TSPAN9: variants seen among roughly 807,000 people sequenced by gnomAD.
TSPAN9 encodes the protein tetraspanin 9.
In TSPAN9, 16 loss-of-function variants were observed where a neutral mutation model predicts 31.0. The observed-to-expected ratio is 0.52, with a 90% CI of 0.35 to 0.78. The LOEUF (loss-of-function observed/expected upper bound fraction) is 0.78, where lower values mean the gene tolerates loss of function less well. Among genes scored for constraint, TSPAN9 ranks in the 30% least tolerant of loss-of-function variants. The pLI is 0.01. For synonymous variants in TSPAN9, 145 were observed against 121.6 expected (o/e 1.19, Z -1.27); for missense variants, 272 against 312.5 (o/e 0.87, Z 0.98).
At chr12:3,173,782 C>T (rs1328165117) in intron 2 of TSPAN9, 2 of 152,366 alleles carry the variant, frequency 1.3e-5, no homozygotes, top group African/African-American at 4.8e-5. Flanking sequence ...GTGTTAGCCA[C>T]TGTGCCTGGC....
chr12:3,078,809 C>T (rs1200161408), intron 1 of TSPAN9, among the ~76,000 whole-genome samples: 1 of 151,306 alleles, frequency 6.6e-6, no homozygotes, highest in Admixed American at 6.6e-5. Context: ...CTGGTTTAAT[C>T]AGATTTTAAT....
In TSPAN9 at chr12:3,164,545, A is replaced by T. The variant is rs375042645; in HGVS notation, c.-17-36632A>T. On this transcript the variant is annotated intron_variant, in intron 2 of 8. Transcript: ENST00000011898. Reference sequence around the variant, plus strand: ...GTTAGCTCCTCTCCCTGGCCCTTGCACTTGTCCCAGGCCTGCGAGGGGAGA... The same window carrying T: ...GTTAGCTCCTCTCCCTGGCCCTTGCTCTTGTCCCAGGCCTGCGAGGGGAGA... 6.6e-5 allele frequency among the ~76,000 whole-genome samples: 10 copies of T among 152,018 alleles called. No individual in the cohort carries two copies. In the East Asian group the frequency reaches 1.2e-3, roughly 18 times the overall value.
At chr12:3,089,572 G>A (rs896510242) in intron 2 of TSPAN9, among the ~76,000 whole-genome samples, 8 of 152,110 alleles carry the variant, frequency 5.3e-5, no homozygotes, top group Admixed American at 3.9e-4. Context: ...TGGGATTACA[G>A]GTGTGAGCCA....
intron 2 of TSPAN9, among the ~76,000 whole-genome samples, chr12:3,111,853 C>T (rs548188295): frequency 6.6e-6 from 1 of 152,100 alleles, no homozygotes; most frequent in Non-Finnish European, 1.5e-5. Flanking sequence ...CTCAGGTGAT[C>T]CACCCGCCTT....
intron 3 of TSPAN9, among the ~76,000 whole-genome samples, chr12:3,248,307 G>T (rs1236192966): frequency 6.6e-6 from 1 of 152,180 alleles, no homozygotes; most frequent in Non-Finnish European, 1.5e-5. Context: ...TTCCTTGTGG[G>T]ATAGACATGG....
chr12:3,191,107 G>A lies in TSPAN9; in HGVS notation c.-17-10070G>A, dbSNP rs114044482. ...GTGTGGGGGAAAGGGGGTTTCAGGC[G>A]GAGGGAGCATCCAGTGCAAAGGCCA... On this transcript the variant is annotated intron_variant, in intron 2 of 8. Coordinates refer to ENST00000011898, the MANE Select transcript of TSPAN9 (RefSeq NM_006675.5). Among the ~76,000 whole-genome samples the A allele has an allele frequency of 3.9e-3, 600 of 152,250 alleles. 4 individuals are homozygous for A. Among genetic ancestry groups the A allele is most frequent in the African/African-American group, 0.014 (561 of 41,532 alleles).
rs1032411190 is a variant in TSPAN9 at position 3,107,634 on chromosome 12, G to A, written c.-18+23915G>A. ...CTGGCTTCGTGGTGGCCTCTTCCCT[G>A]TGGGACTGCCAAGCTGCTGCAAGGA... On this transcript the variant is annotated intron_variant, in intron 2 of 8. Transcript: ENST00000011898. This position sits in a 1 kb window ranked among gnomAD's most constrained non-coding sequence, Gnocchi z 4.1. Among the ~76,000 whole-genome samples the A allele has an allele frequency of 1.3e-5, 2 of 152,196 alleles. No individual in the cohort carries two copies. The highest frequency in any genetic ancestry group is 4.8e-5 in the African/African-American group (2 of 41,448).
intron 2 of TSPAN9, among the ~76,000 whole-genome samples, chr12:3,158,147 C>T (rs892863989): frequency 1.3e-5 from 2 of 152,184 alleles, no homozygotes; most frequent in Admixed American, 6.5e-5. Flanking sequence ...CTGAGGGCTC[C>T]CCTCGGAGCA....
chr12:3,177,928 G>T (rs1363446806), intron 2 of TSPAN9, among the ~76,000 whole-genome samples: 2 of 152,200 alleles, frequency 1.3e-5, no homozygotes, highest in African/African-American at 4.8e-5. Flanking sequence ...GTGAGGTCCT[G>T]TCGGCTGTGT....
At chr12:3,150,798 G>A (rs1418201430) in intron 2 of TSPAN9, among the ~76,000 whole-genome samples, 4 of 152,122 alleles carry the variant, frequency 2.6e-5, no homozygotes, top group African/African-American at 7.2e-5. Flanking sequence ...GCCTGGCCTG[G>A]CCTTGGGGAG....
At chr12:3,248,718 G>C (rs563407877) in intron 3 of TSPAN9, among the ~76,000 whole-genome samples, 1 of 152,026 alleles carries the variant, frequency 6.6e-6, no homozygotes, top group African/African-American at 2.4e-5. Flanking sequence ...CTCCCCAAAA[G>C]AATTTGACTT....
intron 3 of TSPAN9, among the ~76,000 whole-genome samples, chr12:3,268,566 GTTCCTGCAGCCTGCCCTCCGTGCA>G (rs1218050300): frequency 2.2e-4 from 27 of 125,300 alleles, no homozygotes; most frequent in East Asian, 1.0e-3. Flanking sequence ...CCCTCTCTGT[GTTCCTGCAGCCTGCCCTCCGTGCA>G]TTCCTGCAGC....
intron 2 of TSPAN9, among the ~76,000 whole-genome samples, chr12:3,096,049 G>GT (rs1326457336): frequency 6.6e-6 from 1 of 151,346 alleles, no homozygotes; most frequent in Non-Finnish European, 1.5e-5. Flanking sequence ...CTCCCGGGCG[G>GT]CGCTCCCGGC....
At chr12:3,203,462 A>T (rs930309885) in intron 3 of TSPAN9, among the ~76,000 whole-genome samples, 2 of 152,216 alleles carry the variant, frequency 1.3e-5, no homozygotes, top group Admixed American at 1.3e-4. Context: ...AATTCTTCCC[A>T]TCTTCCCTTA....
intron 2 of TSPAN9, among the ~76,000 whole-genome samples, chr12:3,144,521 G>A (rs1010744307): frequency 6.6e-6 from 1 of 152,194 alleles, no homozygotes; most frequent in African/African-American, 2.4e-5. Context: ...CTAGAAAGAG[G>A]CCAGGAAGGA....
At chr12:3,132,174 G>A (rs1025284628) in intron 2 of TSPAN9, among the ~76,000 whole-genome samples, 2 of 152,170 alleles carry the variant, frequency 1.3e-5, no homozygotes, top group African/African-American at 4.8e-5. Context: ...TTCTGTTGAT[G>A]GACATTTGGG....
chr12:3,281,993 G>A (rs1303515284), intron 8 of TSPAN9, 176 bp downstream of exon 8: 4 of 778,244 alleles, frequency 5.1e-6, no homozygotes, highest in Non-Finnish European at 4.5e-6. Context: ...TGATATGAGA[G>A]CACGTGTCTA....
chr12:3,200,958 G>T, intron 2 of TSPAN9: 1 of 512,632 alleles, frequency 2.0e-6, no homozygotes, highest in Non-Finnish European at 3.4e-6. Flanking sequence ...TCGATCCATC[G>T]GAGTCCATCT....
At position 3,272,749 on chromosome 12, in the gene TSPAN9, G is replaced by T. The variant is rs975594826; in HGVS notation, c.64-5672G>T. Among the ~76,000 whole-genome samples, 3 of 152,250 alleles carry T rather than the reference G, an allele frequency of 2.0e-5. No homozygotes were observed. In the East Asian group the frequency reaches 5.8e-4, roughly 29 times the overall value. On this transcript the variant is annotated intron_variant, in intron 3 of 8. Transcript: ENST00000011898. ...CCCCTAGGATCTAAGCAGCATGGAA[G>T]TGGGTGGAGAAGCTCAGGACGGGGA...
Sources: gnomAD v4.1 joint callset for allele counts (sites outside exome capture counted in the v4.1 genomes callset) on GRCh38, gnomAD v4.1.1 for gene constraint, Gnocchi (gnomAD v3.1) non-coding constraint, MANE v1.5 for transcripts, NCBI Gene and HGNC (gene_info 2026-07-23, HGNC 2026-07-21) for gene names.